The following GUCY1A2 variants were observed in gnomAD, a reference collection of about 807,000 sequenced individuals.
The protein encoded by GUCY1A2 is guanylate cyclase 1 soluble subunit alpha 2.
GUCY1A2 carries 27 observed loss-of-function variants against 63.5 expected under a neutral mutation model. The ratio of observed to expected loss-of-function variants is 0.43; its 90% CI spans 0.31 to 0.59. GUCY1A2 has a LOEUF of 0.59. Ranked by LOEUF, GUCY1A2 falls within the 20% of genes least tolerant of loss-of-function variation. The pLI is 0.11. For missense variants in GUCY1A2, 768 were observed against 913.3 expected (o/e 0.84, Z 2.05); for synonymous variants, 364 against 343.5 (o/e 1.06, Z -0.66).
intron 4 of GUCY1A2, among the ~76,000 whole-genome samples, chr11:106,837,251 GCTTTT>G (rs552607590): frequency 2.2e-4 from 33 of 151,984 alleles, no homozygotes; most frequent in African/African-American, 7.0e-4. Context: ...TGCAATATTT[GCTTTT>G]CTTTTCTTGT....
At chr11:106,812,943 G>T (rs1174045967) in intron 4 of GUCY1A2, among the ~76,000 whole-genome samples, 2 of 152,024 alleles carry the variant, frequency 1.3e-5, no homozygotes, top group African/African-American at 2.4e-5. Flanking sequence ...GGCACCATTT[G>T]TATCTCTGTC....
At chr11:106,856,103 G>A (rs1591303575) in intron 4 of GUCY1A2, among the ~76,000 whole-genome samples, 2 of 130,422 alleles carry the variant, frequency 1.5e-5, no homozygotes, top group East Asian at 4.2e-4. Flanking sequence ...ATTTTTTTTT[G>A]TATTTTTTTT....
At chr11:106,841,741 C>A (rs1859201414) in intron 4 of GUCY1A2, among the ~76,000 whole-genome samples, 1 of 151,904 alleles carries the variant, frequency 6.6e-6, no homozygotes, top group Non-Finnish European at 1.5e-5. Flanking sequence ...ACATTTTCTG[C>A]TACATCTCAC....
chr11:106,708,996 TC>T (rs1488224925), intron 6 of GUCY1A2, among the ~76,000 whole-genome samples: 2 of 150,486 alleles, frequency 1.3e-5, no homozygotes, highest in African/African-American at 4.9e-5. Flanking sequence ...AGTATATTTT[TC>T]TCCACTTTCT....
intron 1 of GUCY1A2, among the ~76,000 whole-genome samples, chr11:106,994,773 T>C (rs1417205730): frequency 1.3e-5 from 2 of 152,264 alleles, no homozygotes; most frequent in African/African-American, 4.8e-5. Context: ...TATTTCACTT[T>C]GGTGACCATT....
intron 5 of GUCY1A2, among the ~76,000 whole-genome samples, chr11:106,802,284 A>G (rs371220954): frequency 1.7e-4 from 26 of 152,282 alleles, no homozygotes; most frequent in African/African-American, 6.0e-4. Context: ...GTTCTGCTGA[A>G]GTGGTAGTGG....
intron 4 of GUCY1A2, among the ~76,000 whole-genome samples, chr11:106,927,697 C>T (rs991577441): frequency 2.0e-5 from 3 of 151,228 alleles, no homozygotes; most frequent in Non-Finnish European, 4.4e-5. Flanking sequence ...CCTGAGTAGC[C>T]GGGACTACAG....
intron 6 of GUCY1A2, among the ~76,000 whole-genome samples, chr11:106,722,676 T>G (rs900522879): frequency 2.0e-5 from 3 of 152,058 alleles, no homozygotes; most frequent in African/African-American, 7.2e-5. Flanking sequence ...TAGCCAGTCA[T>G]CGATCCCATT....
chr11:107,001,647 C>A (rs556450578), intron 1 of GUCY1A2, among the ~76,000 whole-genome samples: 7 of 151,964 alleles, frequency 4.6e-5, no homozygotes, highest in Non-Finnish European at 1.0e-4. Context: ...TTTGTATTCC[C>A]TTTTTTGGTT....
chr11:106,888,322 G>A (rs113892175), intron 4 of GUCY1A2, among the ~76,000 whole-genome samples: 66 of 151,486 alleles, frequency 4.4e-4, no homozygotes, highest in South Asian at 2.3e-3. Context: ...AAAATTAGCC[G>A]GGCGTGGTGG....
intron 6 of GUCY1A2, among the ~76,000 whole-genome samples, chr11:106,741,751 AG>A (rs1863698509): frequency 6.6e-6 from 1 of 152,230 alleles, no homozygotes; most frequent in Admixed American, 6.5e-5. Flanking sequence ...AATGATGAGA[AG>A]ACAAATACAT....
intron 2 of GUCY1A2, among the ~76,000 whole-genome samples, chr11:106,985,498 A>C (rs1023804633): frequency 2.0e-5 from 3 of 152,228 alleles, no homozygotes; most frequent in African/African-American, 7.2e-5. Context: ...ACAGTTTAAA[A>C]AAGAGATAAA....
At chr11:106,769,236 G>GACTT (rs1864214210) in intron 6 of GUCY1A2, among the ~76,000 whole-genome samples, 1 of 152,114 alleles carries the variant, frequency 6.6e-6, no homozygotes, top group Admixed American at 6.6e-5. Flanking sequence ...TCTGGAGACT[G>GACTT]ACTTACCAGG....
At chr11:106,962,722 C>G (rs1268560926) in intron 3 of GUCY1A2, among the ~76,000 whole-genome samples, 1 of 150,170 alleles carries the variant, frequency 6.7e-6, no homozygotes, top group African/African-American at 2.4e-5. Flanking sequence ...GAATAATTTA[C>G]ATAAGCCTCA....
intron 1 of GUCY1A2, among the ~76,000 whole-genome samples, chr11:106,988,867 C>T (rs1321823400): frequency 6.6e-6 from 1 of 152,200 alleles, no homozygotes; most frequent in Non-Finnish European, 1.5e-5. Flanking sequence ...GGCCTCAACC[C>T]ATGGCCTGAT....
chr11:106,704,458 T>G (rs1170706886), intron 7 of GUCY1A2, among the ~76,000 whole-genome samples: 1 of 152,160 alleles, frequency 6.6e-6, no homozygotes, highest in Non-Finnish European at 1.5e-5. Context: ...TCTGAGCTCA[T>G]GCACTTCACC....
At chr11:106,795,663 G>A (rs1296005899) in intron 5 of GUCY1A2, among the ~76,000 whole-genome samples, 1 of 152,040 alleles carries the variant, frequency 6.6e-6, no homozygotes, top group Admixed American at 6.6e-5. Context: ...TTCAAAGCTT[G>A]AAAAATGCAT....
intron 6 of GUCY1A2, among the ~76,000 whole-genome samples, chr11:106,723,794 A>G (rs888314381): frequency 6.6e-6 from 1 of 152,210 alleles, no homozygotes; most frequent in Non-Finnish European, 1.5e-5. Context: ...CTGCACTTCC[A>G]GCCTGGGCAA....
intron 2 of GUCY1A2, among the ~76,000 whole-genome samples, chr11:106,982,030 T>C (rs192129200): frequency 3.7e-4 from 56 of 152,304 alleles, no homozygotes; most frequent in Non-Finnish European, 6.5e-4. Context: ...TATGACTTCA[T>C]ACATTATTAT....
Sources: allele counts gnomAD v4.1 joint callset (sites outside exome capture counted in the v4.1 genomes callset), GRCh38; gene constraint gnomAD v4.1.1; transcripts MANE v1.5; gene names NCBI Gene and HGNC (gene_info 2026-07-23, HGNC 2026-07-21).